WDR62: variants seen among roughly 807,000 people sequenced by gnomAD.
WDR62 encodes the protein WD repeat-containing protein 62.
WDR62 carries 112 observed loss-of-function variants against 160.6 expected under a neutral mutation model. The observed-to-expected ratio is 0.70, with a 90% CI of 0.60 to 0.82. The LOEUF is 0.82. Among genes scored for constraint, WDR62 ranks in the 40% least tolerant of loss-of-function variants. The pLI is 0.00. For missense variants in WDR62, 1,819 were observed against 1,983.8 expected, an observed-to-expected ratio of 0.92 and a Z score of 1.58; for synonymous variants, 792 against 815.1, an observed-to-expected ratio of 0.97 and a Z score of 0.48.
Position 36,058,762 on chromosome 19 carries a change from T to A in WDR62, c.178-18T>A. 6.2e-7 allele frequency: 1 copy of A among 1,612,298 alleles called. No homozygotes were observed. The highest frequency in any genetic ancestry group is 8.5e-7 in the Non-Finnish European group (1 of 1,178,628). On this transcript the variant is annotated intron_variant, in intron 1 of 31. Transcript: ENST00000401500. ...CTGGCTAGGGTGGGTGCCTCTGACT[T>A]GGGCTTTTTCTTTGCAGGTGTCACT...
chr19:36,094,556 A>T (rs193084311), intron 20 of WDR62, among the ~76,000 whole-genome samples: 14 of 148,878 alleles, frequency 9.4e-5, no homozygotes, highest in East Asian at 5.9e-4. Flanking sequence ...TCCGTCTCAA[A>T]AATAATAATA....
chr19:36,063,545 C>T (rs1970779937), intron 3 of WDR62, among the ~76,000 whole-genome samples: 1 of 152,220 alleles, frequency 6.6e-6, no homozygotes, highest in Admixed American at 6.5e-5. Flanking sequence ...GCCACTGCAC[C>T]CGGCCAATCT....
rs1372013350 is a variant in WDR62 at position 36,091,274 on chromosome 19, C to G, written c.2109C>G (p.Tyr703Ter). The G allele has an allele frequency of 6.2e-7, 1 of 1,613,782 alleles. No homozygotes were observed. Among genetic ancestry groups the G allele is most frequent in the African/African-American group, 1.3e-5 (1 of 74,942 alleles). Residue 703 changes from tyrosine to a stop codon, truncating the protein, a stop_gained, in exon 17 of 32, where the codon TAC (tyrosine) becomes TAG (stop). Coordinates refer to ENST00000401500, the MANE Select transcript of WDR62 (RefSeq NM_001083961.2). LOFTEE classifies it high-confidence loss of function. Reference protein sequence around the residue: ...SDKSISVIDFYSGECIAKMFG... With the variant: ...SDKSISVIDF ...AAAGCATCTCAGTGATTGACTTTTA[C>G]TCGGGCGAGTGCATTGCCAAGATGT...
intron 7 of WDR62, among the ~76,000 whole-genome samples, 166 bp downstream of exon 7, chr19:36,068,176 C>T (rs990703539): frequency 6.6e-6 from 1 of 152,186 alleles, no homozygotes; most frequent in Non-Finnish European, 1.5e-5. Context: ...GGGAGTACTG[C>T]TGCCCTCCCC....
intron 15 of WDR62, among the ~76,000 whole-genome samples, chr19:36,090,205 G>C (rs1972507364): frequency 1.3e-5 from 2 of 152,220 alleles, no homozygotes; most frequent in Non-Finnish European, 2.9e-5. Context: ...CCCCTTCCCA[G>C]TTCTTTCTCA....
Position 36,101,328 on chromosome 19 carries a change from G to C in WDR62, c.2971+11G>C. 1 of 1,603,380 alleles carries C rather than the reference G, an allele frequency of 6.2e-7. No individual in the cohort carries two copies. Among genetic ancestry groups the C allele is most frequent in the Non-Finnish European group, 8.5e-7 (1 of 1,174,866 alleles). ...AGAGCCCGCCTGAGGGTGAGTGCAG[G>C]GCAGGCAGGGACCCTGTGACAGTCT... On this transcript the variant is annotated intron_variant, in intron 24 of 31. Transcript: ENST00000401500.
At position 36,089,232 on chromosome 19, in the gene WDR62, A is replaced by G; in HGVS notation, c.1884A>G (p.Lys628=). 4 of 1,614,178 alleles carry G rather than the reference A, an allele frequency of 2.5e-6. No homozygotes were observed. Among genetic ancestry groups the G allele is most frequent in the Non-Finnish European group, 3.4e-6 (4 of 1,180,030 alleles). The change falls in exon 15 of 32, where the codon AAA becomes AAG. Residue 628 remains lysine (K), a synonymous_variant. Transcript: ENST00000401500. The stretch of plus-strand genomic sequence containing the variant: ...TCCGTACCCACCACGTAGCAGAGAA[A>G]ACCACCTTGTATGACATGGACATTG... The part of the protein sequence containing the change: ...HFVRTHHVAE[K]TTLYDMDIDI...
At chr19:36,060,306 G>T in intron 3 of WDR62, 1 of 495,918 alleles carries the variant, frequency 2.0e-6, no homozygotes, top group Non-Finnish European at 3.7e-6. Flanking sequence ...GGAAATGATG[G>T]AGGATGTCTT....
intron 6 of WDR62, 45 bp downstream of exon 6, chr19:36,067,488 A>G (rs1375922832): frequency 6.2e-7 from 1 of 1,612,880 alleles, no homozygotes; most frequent in East Asian, 2.2e-5. Flanking sequence ...TGAGGGAGTC[A>G]CCATCGGTGG....
intron 20 of WDR62, among the ~76,000 whole-genome samples, chr19:36,096,484 T>C (rs1972963993): frequency 6.6e-6 from 1 of 151,806 alleles, no homozygotes; most frequent in African/African-American, 2.4e-5. Flanking sequence ...GGCGAGCGGA[T>C]CACGAGTTCA....
intron 7 of WDR62, among the ~76,000 whole-genome samples, chr19:36,069,687 C>G (rs1363143636): frequency 1.3e-5 from 2 of 152,258 alleles, no homozygotes; most frequent in Non-Finnish European, 2.9e-5. Context: ...CCACTGCACT[C>G]CAGCCTGGGA....
chr19:36,082,914 G>A, intron 10 of WDR62, 149 bp from the exon 11 acceptor site: 1 of 699,068 alleles, frequency 1.4e-6, no homozygotes, highest in Non-Finnish European at 2.6e-6. Flanking sequence ...CTGCAGGGGA[G>A]GCAAGGAAAT....
intron 7 of WDR62, 94 bp downstream of exon 7, chr19:36,068,104 C>T (rs1971043152): frequency 7.0e-7 from 1 of 1,433,688 alleles, no homozygotes; most frequent in African/African-American, 1.4e-5. Context: ...ACAGGTTCTG[C>T]TTATGTGACT....
chr19:36,103,040 C>G lies in WDR62; in HGVS notation c.3428C>G (p.Ala1143Gly). The change falls in exon 28 of 32, where the codon GCA becomes GGA. Residue 1143 changes from alanine to glycine, a missense_variant. Coordinates refer to ENST00000401500, the MANE Select transcript of WDR62 (RefSeq NM_001083961.2). ...GACCGAGGCGGAAGCCAGCCCAGAG[C>G]AGGTACTGGCTACGCCTCCCCAGAC... ...LMDRGGSQPR[A>G]GTGYASPDRT... 6.2e-7 allele frequency: 1 copy of G among 1,614,144 alleles called. No individual in the cohort carries two copies. Among genetic ancestry groups the G allele is most frequent in the Non-Finnish European group, 8.5e-7 (1 of 1,180,036 alleles).
Position 36,094,251 on chromosome 19 carries a change from A to G in WDR62, c.2467+87A>G, listed in dbSNP as rs183344719. 1.6e-4 allele frequency: 249 copies of G among 1,558,098 alleles called. No homozygotes were observed. The African/African-American group carries it at 2.7e-3, about 17-fold the overall frequency. ...CATGACCTTGTTTACAGGGCCTGGC[A>G]CATATTAAAACTCAGGAGTCGACAG... On this transcript the variant is annotated intron_variant, in intron 20 of 31. Transcript: ENST00000401500.
chr19:36,067,673 C>T (rs538123576), intron 6 of WDR62, among the ~76,000 whole-genome samples, 155 bp from the exon 7 acceptor site: 1 of 152,212 alleles, frequency 6.6e-6, no homozygotes, highest in Admixed American at 6.5e-5. Flanking sequence ...TGCTGTCCAG[C>T]CCCTCTGTCC....
At position 36,094,106 on chromosome 19, in the gene WDR62, G is replaced by A; in HGVS notation, c.2409G>A (p.Glu803=). The change falls in exon 20 of 32, where the codon GAG becomes GAA. Residue 803 remains glutamate (E), a synonymous_variant. Transcript: ENST00000401500. ...SPGEQTEDDL[E]EECEPEEMLK... The stretch of plus-strand genomic sequence containing the variant: ...GAGAGCAAACAGAGGATGATCTGGA[G>A]GAAGAGTGTGAGCCAGAAGAGATGC... The A allele has an allele frequency of 6.2e-7, 1 of 1,614,190 alleles. No individual in the cohort carries two copies. Among genetic ancestry groups the A allele is most frequent in the Middle Eastern group, 1.7e-4 (1 of 6,054 alleles).
At chr19:36,057,818 C>T (rs948082659) in intron 1 of WDR62, among the ~76,000 whole-genome samples, 3 of 152,216 alleles carry the variant, frequency 2.0e-5, no homozygotes, top group African/African-American at 4.8e-5. Flanking sequence ...TCGTTGAAAC[C>T]GCTCAAATTT....
chr19:36,101,868 A>G, intron 25 of WDR62, 94 bp downstream of exon 25: 1 of 1,516,662 alleles, frequency 6.6e-7, no homozygotes, highest in Non-Finnish European at 9.0e-7. Flanking sequence ...CTTGGAGCCC[A>G]CTGAGCCTGG....
Sources: gnomAD v4.1 joint callset for allele counts (sites outside exome capture counted in the v4.1 genomes callset) on GRCh38, gnomAD v4.1.1 for gene constraint, MANE v1.5 for transcripts, NCBI Gene and HGNC (gene_info 2026-07-23, HGNC 2026-07-21) for gene names.